The following ST6GALNAC5 variants were observed in gnomAD, a reference collection of about 807,000 sequenced individuals.
ST6GALNAC5 encodes the protein alpha-N-acetylgalactosaminide alpha-2,6-sialyltransferase 5.
A neutral mutation model predicts 33.6 loss-of-function variants in ST6GALNAC5; 27 were observed. That is an observed-to-expected ratio of 0.80 (90% CI 0.59 to 1.11). The LOEUF (loss-of-function observed/expected upper bound fraction) is 1.11, where lower values mean the gene tolerates loss of function less well. Among genes scored for constraint, ST6GALNAC5 ranks in the 50% least tolerant of loss-of-function variants. The pLI, the probability that ST6GALNAC5 is intolerant of heterozygous loss-of-function variation, is 0.00. For synonymous variants in ST6GALNAC5, 194 were observed against 171.2 expected (o/e 1.13, Z -1.04); for missense variants, 428 against 454.0 (o/e 0.94, Z 0.52).
intron 2 of ST6GALNAC5, among the ~76,000 whole-genome samples, chr1:76,886,292 AT>A (rs1435540486): frequency 6.6e-6 from 1 of 151,650 alleles, no homozygotes; most frequent in East Asian, 1.9e-4. Flanking sequence ...TTCTATGACT[AT>A]TTTCTTAGTT....
intron 2 of ST6GALNAC5, among the ~76,000 whole-genome samples, chr1:76,998,041 C>T (rs1165549606): frequency 6.6e-6 from 1 of 152,130 alleles, no homozygotes; most frequent in Non-Finnish European, 1.5e-5. Context: ...TGCTGCCCTG[C>T]GAAGAGGTGC....
At chr1:76,912,550 TG>T (rs1557720024) in intron 2 of ST6GALNAC5, among the ~76,000 whole-genome samples, 1 of 151,600 alleles carries the variant, frequency 6.6e-6, no homozygotes, top group East Asian at 1.9e-4. Context: ...TATTATTGTG[TG>T]GGAGTCTAAG....
At chr1:76,875,983 G>A (rs1653630259) in intron 2 of ST6GALNAC5, among the ~76,000 whole-genome samples, 1 of 152,210 alleles carries the variant, frequency 6.6e-6, no homozygotes, top group Non-Finnish European at 1.5e-5. Context: ...TACTTTAGCT[G>A]TAAAGCAAGT....
intron 2 of ST6GALNAC5, among the ~76,000 whole-genome samples, chr1:76,964,935 A>G (rs1349354787): frequency 2.0e-5 from 3 of 152,018 alleles, no homozygotes; most frequent in Admixed American, 6.6e-5. Context: ...AAGGACATGA[A>G]CTCATCCTTT....
intron 2 of ST6GALNAC5, among the ~76,000 whole-genome samples, chr1:76,894,373 G>A (rs145293944): frequency 6.6e-6 from 1 of 152,256 alleles, no homozygotes; most frequent in East Asian, 1.9e-4. Flanking sequence ...TGGCAGCAAT[G>A]TTTGCGAGCC....
chr1:76,955,180 G>C (rs963961683), intron 2 of ST6GALNAC5, among the ~76,000 whole-genome samples: 1 of 152,136 alleles, frequency 6.6e-6, no homozygotes, highest in Non-Finnish European at 1.5e-5. Flanking sequence ...CACAGAGTTT[G>C]CTCAGTGGCA....
intron 2 of ST6GALNAC5, among the ~76,000 whole-genome samples, chr1:76,943,459 C>T (rs1218123492): frequency 2.0e-5 from 3 of 152,080 alleles, no homozygotes; most frequent in Non-Finnish European, 4.4e-5. Context: ...CTACTCTGAG[C>T]CATGTAAAAA....
At chr1:77,042,248 G>C (rs1651854235) in intron 2 of ST6GALNAC5, among the ~76,000 whole-genome samples, 1 of 152,186 alleles carries the variant, frequency 6.6e-6, no homozygotes. Flanking sequence ...TTAACTGACT[G>C]GCCAGTTTTC....
At chr1:76,908,999 GGTTATTATAGCTAT>G (rs1228389943) in intron 2 of ST6GALNAC5, among the ~76,000 whole-genome samples, 1 of 152,112 alleles carries the variant, frequency 6.6e-6, no homozygotes, top group Admixed American at 6.6e-5. Flanking sequence ...ACTACCCAGT[GGTTATTATAGCTAT>G]GCTGCCATAT....
intron 2 of ST6GALNAC5, among the ~76,000 whole-genome samples, chr1:77,002,405 C>A (rs188034862): frequency 0.025 from 3,760 of 152,004 alleles, 159 homozygotes; most frequent in African/African-American, 0.087. Flanking sequence ...GTCTTGATAG[C>A]GGTCTGTAAA....
At chr1:76,921,956 A>C (rs1326939020) in intron 2 of ST6GALNAC5, among the ~76,000 whole-genome samples, 2 of 152,204 alleles carry the variant, frequency 1.3e-5, no homozygotes, top group Non-Finnish European at 2.9e-5. Context: ...AAACAATGAA[A>C]GGACGTTTGG....
chr1:76,867,643 G>A lies in ST6GALNAC5; in HGVS notation c.-33G>A. The A allele has an allele frequency of 1.9e-6, 3 of 1,614,086 alleles. No individual in the cohort carries two copies. Among genetic ancestry groups the A allele is most frequent in the Non-Finnish European group, 2.5e-6 (3 of 1,180,026 alleles). ...GGAAAAAGTGGCCCCGGACGCGCGAGCCTGAGGATTCTGCACAAAAGAGGT... is the reference window on the plus strand; with the variant it reads ...GGAAAAAGTGGCCCCGGACGCGCGAACCTGAGGATTCTGCACAAAAGAGGT... On this transcript the variant is annotated 5_prime_UTR_variant, in exon 1 of 5. Coordinates refer to ENST00000477717, the MANE Select transcript of ST6GALNAC5 (RefSeq NM_030965.3).
In ST6GALNAC5 at chr1:76,868,627, A is replaced by C. The variant is rs1363870470; in HGVS notation, c.146A>C (p.Gln49Pro). The change falls in exon 2 of 5, where the codon CAG (glutamine) becomes CCG (proline). Residue 49 changes from glutamine (Q) to proline (P), a missense_variant. By Grantham distance (76) the Gln-to-Pro change is moderately conservative (BLOSUM62 -1). Coordinates refer to ENST00000477717, the MANE Select transcript of ST6GALNAC5 (RefSeq NM_030965.3). This position sits in a 1 kb window ranked among gnomAD's most constrained non-coding sequence, Gnocchi z 4.3. ...CAGCAGCAGCAGCAACAGCAGCAGC[A>C]GGCGTCGGCCACCGGCAGCTCGCAG... is the stretch of plus-strand genomic sequence containing the variant. ...QQQQQQQQQQ[Q>P]ASATGSSQPA... 6.2e-7 allele frequency: 1 copy of C among 1,610,208 alleles called. No individual in the cohort carries two copies. The highest frequency in any genetic ancestry group is 1.3e-5 in the African/African-American group (1 of 74,794).
chr1:76,891,068 G>T (rs1654002535), intron 2 of ST6GALNAC5, among the ~76,000 whole-genome samples: 2 of 152,048 alleles, frequency 1.3e-5, no homozygotes, highest in Non-Finnish European at 2.9e-5. Context: ...TTGTGTAGGG[G>T]ACACATGTTT....
chr1:76,978,574 C>A (rs887040504), intron 2 of ST6GALNAC5, among the ~76,000 whole-genome samples: 7 of 152,164 alleles, frequency 4.6e-5, no homozygotes, highest in Admixed American at 3.9e-4. Context: ...TAAAATTCAA[C>A]GTCCTTTAAC....
chr1:76,926,230 C>A (rs531058146), intron 2 of ST6GALNAC5, among the ~76,000 whole-genome samples: 1 of 152,250 alleles, frequency 6.6e-6, no homozygotes, highest in Non-Finnish European at 1.5e-5. Context: ...AAAGAGAAGT[C>A]ACTTATAATT....
Position 76,969,186 on chromosome 1 carries a change from C to A in ST6GALNAC5, c.262-75018C>A, listed in dbSNP as rs544080243. On this transcript the variant is annotated intron_variant, in intron 2 of 4. Coordinates refer to ENST00000477717, the MANE Select transcript of ST6GALNAC5 (RefSeq NM_030965.3). ...GGACTGTTGGACAGGGGGTGTAGCC[C>A]ATGGAGGGCAAGCCGAAGCAGGGTG... is the stretch of plus-strand genomic sequence containing the variant. 9.9e-5 allele frequency among the ~76,000 whole-genome samples: 15 copies of A among 152,266 alleles called. No homozygotes were observed. In the South Asian group the frequency reaches 2.9e-3, roughly 29 times the overall value.
intron 2 of ST6GALNAC5, among the ~76,000 whole-genome samples, chr1:76,940,054 A>G (rs1173506301): frequency 2.0e-5 from 3 of 152,056 alleles, no homozygotes; most frequent in African/African-American, 7.2e-5. Flanking sequence ...AGCTTGTTTC[A>G]CTGGGTTGTA....
At chr1:76,891,762 G>A (rs536625800) in intron 2 of ST6GALNAC5, among the ~76,000 whole-genome samples, 11 of 152,278 alleles carry the variant, frequency 7.2e-5, no homozygotes, top group Admixed American at 7.2e-4. Context: ...TATACATGAT[G>A]TGACAGAGAG....
Sources: gnomAD v4.1 joint callset for allele counts (sites outside exome capture counted in the v4.1 genomes callset) on GRCh38, gnomAD v4.1.1 for gene constraint, Gnocchi (gnomAD v3.1) non-coding constraint, MANE v1.5 for transcripts, NCBI Gene and HGNC (gene_info 2026-07-23, HGNC 2026-07-21) for gene names.